ITGA1: variants seen among roughly 807,000 people sequenced by gnomAD.
ITGA1 encodes integrin subunit alpha 1, also known as integrin alpha-1.
A neutral mutation model predicts 145.9 loss-of-function variants in ITGA1; 85 were observed. The ratio of observed to expected loss-of-function variants is 0.58; its 90% CI spans 0.49 to 0.70. ITGA1 has a LOEUF of 0.70. Ranked by LOEUF, ITGA1 falls within the 30% of genes least tolerant of loss-of-function variation. The pLI is 0.00. For synonymous variants in ITGA1, 520 were observed against 495.3 expected (o/e 1.05, Z -0.66); for missense variants, 1,351 against 1,418.7 (o/e 0.95, Z 0.77).
chr5:52,800,730 G>C (rs150767441), intron 1 of ITGA1: 322 of 1,614,104 alleles, frequency 2.0e-4, no homozygotes, highest in Non-Finnish European at 2.6e-4. Context: ...AGTTCACCCT[G>C]GCCAAGAAGC....
At chr5:52,935,745 A>C (rs941871027) in intron 23 of ITGA1, among the ~76,000 whole-genome samples, 1 of 152,232 alleles carries the variant, frequency 6.6e-6, no homozygotes, top group Non-Finnish European at 1.5e-5. Context: ...ATGCCATAGC[A>C]TAATACATTT....
chr5:52,924,446 G>A (rs1750773181), intron 18 of ITGA1, among the ~76,000 whole-genome samples: 1 of 152,184 alleles, frequency 6.6e-6, no homozygotes, highest in Non-Finnish European at 1.5e-5. Context: ...AACGACATTC[G>A]CTAGTGTGGC....
In ITGA1 at chr5:52,812,789, C is replaced by CTTTTTTTT. The variant is rs61600951; in HGVS notation, c.61+24396_61+24403dup. Among the ~76,000 whole-genome samples, 4 of 86,114 alleles carry CTTTTTTTT rather than the reference C, an allele frequency of 4.6e-5. 1 individual carries two copies. Among genetic ancestry groups the CTTTTTTTT allele is most frequent in the African/African-American group, 1.5e-4 (3 of 20,100 alleles). The allele number at this position is 86,114 out of a possible 152,430, so 56.5% of individuals were successfully genotyped here. ...AAGTTCATTTTGTTCCTTCTTATCG[C>CTTTTTTTT]TTTTTTTTTTTTTTTTTTTTTTTTT... On this transcript the variant is annotated intron_variant, in intron 1 of 28. Coordinates refer to ENST00000282588, the MANE Select transcript of ITGA1 (RefSeq NM_181501.2).
chr5:52,928,553 CA>C (rs1205881056), intron 20 of ITGA1, among the ~76,000 whole-genome samples: 7 of 152,196 alleles, frequency 4.6e-5, no homozygotes, highest in Non-Finnish European at 1.0e-4. Flanking sequence ...TCACACACCA[CA>C]AAGAAGCCAC....
At chr5:52,893,449 C>A (rs1750181030) in intron 8 of ITGA1, among the ~76,000 whole-genome samples, 1 of 152,114 alleles carries the variant, frequency 6.6e-6, no homozygotes, top group Non-Finnish European at 1.5e-5. Flanking sequence ...CACAGACATA[C>A]AAAATTGCCC....
chr5:52,794,658 AAAAACAAAT>A (rs1727218742), intron 1 of ITGA1, among the ~76,000 whole-genome samples: 2 of 151,722 alleles, frequency 1.3e-5, no homozygotes, highest in South Asian at 4.1e-4. Flanking sequence ...CCTTAAAAAA[AAAAACAAAT>A]AAAACAAACA....
At chr5:52,878,296 A>C (rs1749898921) in intron 6 of ITGA1, among the ~76,000 whole-genome samples, 1 of 152,234 alleles carries the variant, frequency 6.6e-6, no homozygotes, top group Non-Finnish European at 1.5e-5. Context: ...GTTATAACTC[A>C]TCTTATATTT....
intron 2 of ITGA1, among the ~76,000 whole-genome samples, chr5:52,860,172 AG>A (rs1463386224): frequency 1.1e-4 from 16 of 152,218 alleles, no homozygotes; most frequent in African/African-American, 3.9e-4. Flanking sequence ...ATACTTGATA[AG>A]TATTTTTTTC....
chr5:52,875,258 A>G (rs1224195074), intron 6 of ITGA1, among the ~76,000 whole-genome samples: 1 of 152,154 alleles, frequency 6.6e-6, no homozygotes, highest in Non-Finnish European at 1.5e-5. Context: ...CAAACTTAGT[A>G]ACATACAAAG....
intron 1 of ITGA1, among the ~76,000 whole-genome samples, chr5:52,824,117 A>G (rs1272211286): frequency 6.6e-6 from 1 of 152,042 alleles, no homozygotes; most frequent in Non-Finnish European, 1.5e-5. Context: ...TAATATATAT[A>G]TATAGTAATC....
Position 52,905,893 on chromosome 5 carries a change from G to A in ITGA1, c.1440G>A (p.Thr480=), listed in dbSNP as rs755261230. The A allele has an allele frequency of 3.7e-6, 6 of 1,612,208 alleles. No homozygotes were observed. Among genetic ancestry groups the A allele is most frequent in the Admixed American group, 1.7e-5 (1 of 59,962 alleles). ...ATGGAAACATCAAAATTCTCCAGAC[G>A]CTCAGTGGAGAACAGGTAAACTTGA... The part of the protein sequence containing the change: ...MEDGNIKILQ[T]LSGEQIGSYF... Residue 480 remains threonine (T), a synonymous_variant, in exon 12 of 29, where the codon ACG becomes ACA. Transcript: ENST00000282588.
At chr5:52,843,757 C>CAGAAATCCT (rs1319247677) in intron 1 of ITGA1, among the ~76,000 whole-genome samples, 8 of 152,054 alleles carry the variant, frequency 5.3e-5, no homozygotes, top group Non-Finnish European at 1.2e-4. Flanking sequence ...ACCCTAGTTA[C>CAGAAATCCT]AGAAATCCTA....
intron 1 of ITGA1, among the ~76,000 whole-genome samples, chr5:52,820,121 C>G (rs1748852431): frequency 6.6e-6 from 1 of 151,810 alleles, no homozygotes; most frequent in Non-Finnish European, 1.5e-5. Flanking sequence ...ATTGACTTGG[C>G]AATGCAGGCT....
At chr5:52,880,634 G>A (rs185713132) in intron 6 of ITGA1, among the ~76,000 whole-genome samples, 2 of 152,280 alleles carry the variant, frequency 1.3e-5, no homozygotes, top group East Asian at 3.9e-4. Flanking sequence ...CTAAGAAATA[G>A]GATTTGCTCT....
intron 2 of ITGA1, among the ~76,000 whole-genome samples, chr5:52,860,422 TG>T (rs1260700053): frequency 5.9e-5 from 9 of 152,286 alleles, no homozygotes; most frequent in Non-Finnish European, 1.3e-4. Flanking sequence ...GGCGTGCACC[TG>T]TAGTCCCAGC....
chr5:52,940,618 C>A (rs16880539), intron 26 of ITGA1, among the ~76,000 whole-genome samples: 22,631 of 151,622 alleles, frequency 0.15, 1,701 homozygotes, highest in South Asian at 0.16. Context: ...ACATTTTTAA[C>A]CCCTTATAAA....
Position 52,905,818 on chromosome 5 carries a change from A to T in ITGA1, c.1365A>T (p.Gly455=). The change falls in exon 12 of 29, where the codon GGA becomes GGT. Residue 455 remains glycine, a synonymous_variant. Transcript: ENST00000282588. The part of the protein sequence containing the change: ...ASSGDVLYIA[G]QPRYNHTGQV... ...CTGGAGATGTGCTCTATATTGCTGG[A>T]CAGCCTCGGTACAATCATACAGGCC... The T allele has an allele frequency of 6.2e-7, 1 of 1,613,818 alleles. No homozygotes were observed. Among genetic ancestry groups the T allele is most frequent in the South Asian group, 1.1e-5 (1 of 91,034 alleles).
At chr5:52,861,620 C>A in intron 3 of ITGA1, 61 bp downstream of exon 3, 1 of 975,344 alleles carries the variant, frequency 1.0e-6, no homozygotes, top group Non-Finnish European at 1.6e-6. Flanking sequence ...CCTGTAATCC[C>A]CACACTTTAA....
intron 1 of ITGA1, among the ~76,000 whole-genome samples, chr5:52,808,048 A>G (rs1748622949): frequency 6.6e-6 from 1 of 152,182 alleles, no homozygotes; most frequent in Non-Finnish European, 1.5e-5. Context: ...GACAGCTGAT[A>G]GTGGGAGTGG....
Sources: gnomAD v4.1 joint callset for allele counts (sites outside exome capture counted in the v4.1 genomes callset) on GRCh38, gnomAD v4.1.1 for gene constraint, MANE v1.5 for transcripts, NCBI Gene and HGNC (gene_info 2026-07-23, HGNC 2026-07-21) for gene names.